TP63: variants seen among roughly 807,000 people sequenced by gnomAD.
TP63 encodes tumor protein p63, also known as tumor protein 63.
TP63 carries 17 observed loss-of-function variants against 82.8 expected under a neutral mutation model. The ratio of observed to expected loss-of-function variants is 0.21; its 90% CI spans 0.14 to 0.31. The LOEUF (loss-of-function observed/expected upper bound fraction) is 0.31. TP63 is among the 10% of genes least tolerant of loss of function. TP63 has a pLI of 1.00. For synonymous variants in TP63, 330 were observed against 321.7 expected, an observed-to-expected ratio of 1.03 and a Z score of -0.28; for missense variants, 648 against 895.3, an observed-to-expected ratio of 0.72 and a Z score of 3.52.
At chr3:189,680,467 C>T (rs374204139) in intron 1 of TP63, among the ~76,000 whole-genome samples, 2 of 151,962 alleles carry the variant, frequency 1.3e-5, no homozygotes, top group Non-Finnish European at 2.9e-5. Flanking sequence ...ATACTAAATC[C>T]GCCTAAATAA....
intron 4 of TP63, among the ~76,000 whole-genome samples, chr3:189,837,754 A>C (rs1713363201): frequency 6.6e-6 from 1 of 151,896 alleles, no homozygotes; most frequent in African/African-American, 2.4e-5. Flanking sequence ...AGGCTCAATC[A>C]GTCCTCCCAC....
intron 4 of TP63, among the ~76,000 whole-genome samples, chr3:189,811,761 G>A (rs1267408736): frequency 1.3e-5 from 2 of 152,198 alleles, no homozygotes; most frequent in East Asian, 3.8e-4. Flanking sequence ...ACCAGCCAAG[G>A]ATGGGGAAGA....
At chr3:189,749,421 G>C (rs994951923) in intron 3 of TP63, among the ~76,000 whole-genome samples, 23 of 152,024 alleles carry the variant, frequency 1.5e-4, no homozygotes, top group Admixed American at 1.4e-3. Flanking sequence ...ATGTAAAAAT[G>C]GCCAATAACT....
At chr3:189,709,149 T>C (rs907397899) in intron 1 of TP63, among the ~76,000 whole-genome samples, 3 of 152,222 alleles carry the variant, frequency 2.0e-5, no homozygotes, top group East Asian at 3.8e-4. Flanking sequence ...AGCTGAAATA[T>C]GAATTTTTGT....
Position 189,631,454 on chromosome 3 carries a change from G to C in TP63, c.-62G>C, listed in dbSNP as rs1372351385. ...CGGCTTTATATCTATATATACACAG[G>C]TATATGTGTATATTTTATATAATTG... On this transcript the variant is annotated 5_prime_UTR_variant, in exon 1 of 14. Coordinates refer to ENST00000264731, the MANE Select transcript of TP63 (RefSeq NM_003722.5). 6.2e-7 allele frequency: 1 copy of C among 1,607,684 alleles called. No individual in the cohort carries two copies. The highest frequency in any genetic ancestry group is 1.7e-5 in the Admixed American group (1 of 59,800).
At chr3:189,775,116 A>C (rs909426659) in intron 3 of TP63, among the ~76,000 whole-genome samples, 1 of 148,502 alleles carries the variant, frequency 6.7e-6, no homozygotes, top group Non-Finnish European at 1.5e-5. Flanking sequence ...GCTCCTTGGG[A>C]GGCTGAGGCA....
At chr3:189,769,257 C>T (rs751959237) in intron 3 of TP63, among the ~76,000 whole-genome samples, 35 of 152,152 alleles carry the variant, frequency 2.3e-4, no homozygotes, top group Non-Finnish European at 3.7e-4. Context: ...CTATCATCTT[C>T]CGATACCTTG....
chr3:189,798,496 G>A (rs1488511225), intron 3 of TP63, among the ~76,000 whole-genome samples: 6 of 152,056 alleles, frequency 3.9e-5, no homozygotes, highest in Non-Finnish European at 8.8e-5. Flanking sequence ...CAGAGAATGT[G>A]TTTGATTAAA....
At chr3:189,861,509 A>G (rs1285230268) in intron 4 of TP63, among the ~76,000 whole-genome samples, 1 of 152,202 alleles carries the variant, frequency 6.6e-6, no homozygotes, top group African/African-American at 2.4e-5. Context: ...TCAATAAACC[A>G]TGTTAAAGAG....
At chr3:189,703,642 C>T (rs1176053106) in intron 1 of TP63, among the ~76,000 whole-genome samples, 2 of 152,150 alleles carry the variant, frequency 1.3e-5, no homozygotes, top group East Asian at 3.9e-4. Context: ...AATCCAGATC[C>T]TTACATACTA....
chr3:189,631,685 A>T, intron 1 of TP63, 108 bp downstream of exon 1: 1 of 1,598,128 alleles, frequency 6.3e-7, no homozygotes, highest in Non-Finnish European at 8.5e-7. Context: ...TTTAGTCAGC[A>T]CAGTGATATT....
At chr3:189,885,168 G>A (rs1720310428) in intron 10 of TP63, among the ~76,000 whole-genome samples, 1 of 152,184 alleles carries the variant, frequency 6.6e-6, no homozygotes, top group South Asian at 2.1e-4. Flanking sequence ...TTAAAGGGGA[G>A]TTTTCCCATA....
chr3:189,770,256 A>G (rs960291144), intron 3 of TP63, among the ~76,000 whole-genome samples: 13 of 152,166 alleles, frequency 8.5e-5, no homozygotes, highest in Non-Finnish European at 1.5e-4. Flanking sequence ...GTTGCTTTCT[A>G]TTCATCTGGA....
upstream of TP63, chr3:189,631,358 A>G: frequency 6.7e-7 from 1 of 1,482,488 alleles, no homozygotes; most frequent in Non-Finnish European, 8.9e-7. Context: ...CTCTTTGCAA[A>G]TATGTATGAA....
intron 4 of TP63, among the ~76,000 whole-genome samples, chr3:189,816,773 G>A (rs886435764): frequency 6.6e-6 from 1 of 152,098 alleles, no homozygotes; most frequent in Non-Finnish European, 1.5e-5. Flanking sequence ...CTGTAATGAG[G>A]CACACAGAGG....
At chr3:189,657,833 C>G (rs1284553708) in intron 1 of TP63, among the ~76,000 whole-genome samples, 1 of 152,052 alleles carries the variant, frequency 6.6e-6, no homozygotes. Context: ...TTTCCTTGCT[C>G]TACCAACTGA....
At chr3:189,631,197 C>T, upstream of TP63, 6 of 982,886 alleles carry the variant, frequency 6.1e-6, no homozygotes, top group Non-Finnish European at 7.2e-6. Flanking sequence ...TTGCCAACAA[C>T]AAGTGTGGCT....
At chr3:189,643,501 T>A (rs73063893) in intron 1 of TP63, among the ~76,000 whole-genome samples, 1 of 151,862 alleles carries the variant, frequency 6.6e-6, no homozygotes, top group African/African-American at 2.4e-5. Context: ...TTTCTGTTGA[T>A]AACTCAGAAA....
At chr3:189,740,485 ATTG>A (rs1193208762) in intron 3 of TP63, among the ~76,000 whole-genome samples, 1 of 146,294 alleles carries the variant, frequency 6.8e-6, no homozygotes, top group African/African-American at 2.7e-5. Flanking sequence ...GTAGTTTTTT[ATTG>A]TTGTTTGTTT....
Sources: allele counts gnomAD v4.1 joint callset (sites outside exome capture counted in the v4.1 genomes callset), GRCh38; gene constraint gnomAD v4.1.1; transcripts MANE v1.5; gene names NCBI Gene and HGNC (gene_info 2026-07-23, HGNC 2026-07-21).